CLSTN2: variants seen among roughly 807,000 people sequenced by gnomAD.
CLSTN2 encodes calsyntenin-2.
In CLSTN2, 48 loss-of-function variants were observed where a neutral mutation model predicts 101.2. The observed-to-expected ratio is 0.47, with a 90% CI of 0.38 to 0.60. The LOEUF is 0.60. Ranked by LOEUF, CLSTN2 falls within the 20% of genes least tolerant of loss-of-function variation. CLSTN2 has a pLI of 0.00. For missense variants in CLSTN2, 1,160 were observed against 1,238.2 expected, an observed-to-expected ratio of 0.94 and a Z score of 0.95; for synonymous variants, 481 against 463.6, an observed-to-expected ratio of 1.04 and a Z score of -0.48.
intron 2 of CLSTN2, among the ~76,000 whole-genome samples, chr3:140,355,549 C>G (rs1046453940): frequency 6.6e-6 from 1 of 152,200 alleles, no homozygotes. Context: ...CAAGCATTTG[C>G]TGCTAAATTT....
chr3:140,382,068 A>G (rs767221034), intron 2 of CLSTN2, among the ~76,000 whole-genome samples: 1 of 152,156 alleles, frequency 6.6e-6, no homozygotes, highest in Non-Finnish European at 1.5e-5. Flanking sequence ...CCCAAAATGC[A>G]GTGTGTAGGT....
intron 5 of CLSTN2, among the ~76,000 whole-genome samples, chr3:140,437,515 C>T (rs1169716907): frequency 6.6e-6 from 1 of 152,214 alleles, no homozygotes; most frequent in Non-Finnish European, 1.5e-5. Flanking sequence ...AGGCTCTCAG[C>T]CTCCTTGGGT....
At chr3:140,241,880 T>C (rs7651250) in intron 2 of CLSTN2, among the ~76,000 whole-genome samples, 97,323 of 139,816 alleles carry the variant, frequency 0.7, 34,588 homozygotes, top group East Asian at 0.99. Context: ...CATATATATA[T>C]ACACACACAC....
rs1985524138 is a variant in CLSTN2 at position 140,571,037 on chromosome 3, C to T, written c.*4784C>T. 6.6e-6 allele frequency: 1 copy of T among 152,228 alleles called. No homozygotes were observed. Among genetic ancestry groups the T allele is most frequent in the East Asian group, 1.9e-4 (1 of 5,204 alleles). The allele number at this position is 152,228 out of a possible 1,614,324, so 9.4% of individuals were successfully genotyped here. ...AACTGACAAACTGACAGATATTCCA[C>T]GAGAGTTGAAAGCCTTGGATCGAGG... On this transcript the variant is annotated 3_prime_UTR_variant, in exon 17 of 17. Transcript: ENST00000458420.
chr3:140,492,577 G>A (rs1934373318), intron 8 of CLSTN2, among the ~76,000 whole-genome samples: 1 of 152,172 alleles, frequency 6.6e-6, no homozygotes, highest in African/African-American at 2.4e-5. Context: ...AACCTCTCAG[G>A]AACACACAGT....
chr3:140,194,893 C>G (rs2010622413), intron 2 of CLSTN2, among the ~76,000 whole-genome samples: 1 of 152,308 alleles, frequency 6.6e-6, no homozygotes, highest in East Asian at 1.9e-4. Context: ...CTGATACAAC[C>G]CCAGTGGGGA....
At chr3:140,151,629 G>GT (rs2009867509) in intron 1 of CLSTN2, among the ~76,000 whole-genome samples, 3 of 152,190 alleles carry the variant, frequency 2.0e-5, no homozygotes, top group Non-Finnish European at 2.9e-5. Context: ...GACATGGGAA[G>GT]ACAATCAAAG....
At chr3:140,255,090 C>T (rs2086594331) in intron 2 of CLSTN2, among the ~76,000 whole-genome samples, 1 of 151,970 alleles carries the variant, frequency 6.6e-6, no homozygotes, top group Admixed American at 6.6e-5. Context: ...TAAATCAAAA[C>T]CAGAATGAGA....
At chr3:139,999,121 C>G (rs954292855) in intron 1 of CLSTN2, among the ~76,000 whole-genome samples, 2 of 152,148 alleles carry the variant, frequency 1.3e-5, no homozygotes, top group African/African-American at 4.8e-5. Context: ...GCATCAGCCA[C>G]TTGAGGCGGT....
At chr3:140,504,804 G>T (rs372520961) in intron 8 of CLSTN2, among the ~76,000 whole-genome samples, 28 of 152,336 alleles carry the variant, frequency 1.8e-4, no homozygotes, top group African/African-American at 6.5e-4. Context: ...GCCAGAGAAA[G>T]GTGGTAGGAG....
chr3:140,427,184 A>AAATATATATATATATGTGTGTATATAT, intron 5 of CLSTN2, among the ~76,000 whole-genome samples: 1 of 94,170 alleles, frequency 1.1e-5, no homozygotes, highest in Admixed American at 1.1e-4. Context: ...AAAAAAAAAA[A>AAATATATATATATATGTGTGTATATAT]ATATATATAT....
intron 2 of CLSTN2, among the ~76,000 whole-genome samples, chr3:140,342,064 C>T (rs1159577358): frequency 1.3e-5 from 2 of 152,176 alleles, no homozygotes; most frequent in African/African-American, 4.8e-5. Context: ...CCTTGTCATA[C>T]ATAGCCTTGT....
rs1028806194 is a variant in CLSTN2 at position 140,556,430 on chromosome 3, C to T, written c.1675-83C>T. On this transcript the variant is annotated intron_variant, in intron 10 of 16. Coordinates refer to ENST00000458420, the MANE Select transcript of CLSTN2 (RefSeq NM_022131.3). ...GAGGTGTTTATGGTGACCCTTGGTG[C>T]CCTGTATGGACAGGAAGTGCTCCCA... The T allele has an allele frequency of 7.5e-6, 10 of 1,340,172 alleles. No individual in the cohort carries two copies. The African/African-American group carries it at 8.6e-5, about 12-fold the overall frequency. 83.0% of individuals were successfully genotyped at this position (1,340,172 alleles called of 1,614,324 possible). A position where few individuals can be genotyped will look rare whatever the true frequency, so the allele number is the denominator to read the frequency against.
At chr3:140,346,425 T>G (rs1181162557) in intron 2 of CLSTN2, among the ~76,000 whole-genome samples, 1 of 152,194 alleles carries the variant, frequency 6.6e-6, no homozygotes, top group African/African-American at 2.4e-5. Context: ...CTCTGGTTGT[T>G]GCTCCCTTTC....
At chr3:140,523,845 G>A (rs1051161654) in intron 8 of CLSTN2, among the ~76,000 whole-genome samples, 1 of 152,064 alleles carries the variant, frequency 6.6e-6, no homozygotes. Context: ...CAGACTGTTC[G>A]CTCTGTTCAA....
chr3:140,227,688 G>T (rs1483459529), intron 2 of CLSTN2, among the ~76,000 whole-genome samples: 2 of 152,118 alleles, frequency 1.3e-5, no homozygotes, highest in Admixed American at 6.5e-5. Flanking sequence ...ACTTCTGTCT[G>T]GGCATCCAGG....
intron 4 of CLSTN2, among the ~76,000 whole-genome samples, chr3:140,413,731 T>C (rs2088393177): frequency 6.6e-6 from 1 of 152,170 alleles, no homozygotes; most frequent in Non-Finnish European, 1.5e-5. Context: ...AGCCCTGGGA[T>C]GCAAAGAAAG....
intron 2 of CLSTN2, among the ~76,000 whole-genome samples, chr3:140,251,724 C>G (rs569651688): frequency 3.3e-5 from 5 of 151,718 alleles, no homozygotes; most frequent in African/African-American, 1.2e-4. Context: ...GCCAATGGTA[C>G]ATTATGTATG....
chr3:140,081,222 T>C (rs565144480), intron 1 of CLSTN2, among the ~76,000 whole-genome samples: 54 of 152,318 alleles, frequency 3.5e-4, no homozygotes, highest in African/African-American at 1.3e-3. Flanking sequence ...TTTCCCCCCT[T>C]AGGGCAAATC....
Sources: allele counts gnomAD v4.1 joint callset (sites outside exome capture counted in the v4.1 genomes callset), GRCh38; gene constraint gnomAD v4.1.1; transcripts MANE v1.5; gene names NCBI Gene and HGNC (gene_info 2026-07-23, HGNC 2026-07-21).